The following BUB1B variants were observed in gnomAD, a reference collection of about 807,000 sequenced individuals.
BUB1B encodes BUB1 mitotic checkpoint serine/threonine kinase B, also known as mitotic checkpoint serine/threonine-protein kinase BUB1 beta.
A neutral mutation model predicts 137.7 loss-of-function variants in BUB1B; 86 were observed. The ratio of observed to expected loss-of-function variants is 0.62; its 90% CI spans 0.52 to 0.75. BUB1B has a LOEUF of 0.75. BUB1B is among the 30% of genes least tolerant of loss of function. BUB1B has a pLI of 0.00. For synonymous variants in BUB1B, 420 were observed against 417.9 expected (o/e 1.00, Z -0.06); for missense variants, 1,130 against 1,236.9 (o/e 0.91, Z 1.30).
chr15:40,219,627 C>T (rs775169153), intron 22 of BUB1B, among the ~76,000 whole-genome samples: 62 of 152,070 alleles, frequency 4.1e-4, no homozygotes, highest in Admixed American at 1.3e-3. Context: ...AGCTGAGGCA[C>T]GGGAATCACT....
chr15:40,220,755 A>G lies in BUB1B; in HGVS notation c.3149A>G (p.Gln1050Arg). Reference sequence around the variant, plus strand: ...ACTAGTCCTGGGGCTTTGCTCTTTCAGTGAGCTAGGCAATCAAGTCTCACA... The same window carrying G: ...ACTAGTCCTGGGGCTTTGCTCTTTCGGTGAGCTAGGCAATCAAGTCTCACA... ...KLTSPGALLFQ is the reference protein window; with the variant it reads ...KLTSPGALLFR Residue 1050 changes from glutamine to arginine, a missense_variant, in exon 23 of 23, where the codon CAG (glutamine) becomes CGG (arginine). Coordinates refer to ENST00000287598, the MANE Select transcript of BUB1B (RefSeq NM_001211.6). The G allele has an allele frequency of 6.2e-7, 1 of 1,614,066 alleles. No individual in the cohort carries two copies. The highest frequency in any genetic ancestry group is 1.3e-5 in the African/African-American group (1 of 75,054).
chr15:40,191,263 A>G (rs182609537), intron 8 of BUB1B, among the ~76,000 whole-genome samples: 80 of 152,364 alleles, frequency 5.3e-4, no homozygotes, highest in Non-Finnish European at 7.3e-4. Flanking sequence ...ACCATTGACC[A>G]TAGATAACTG....
chr15:40,191,605 G>C (rs1380560663), intron 8 of BUB1B, among the ~76,000 whole-genome samples: 2 of 152,094 alleles, frequency 1.3e-5, no homozygotes, highest in African/African-American at 4.8e-5. Flanking sequence ...TATAGTTTTA[G>C]CTCTTATATT....
At chr15:40,181,074 T>C (rs1235871790) in intron 5 of BUB1B, among the ~76,000 whole-genome samples, 1 of 151,084 alleles carries the variant, frequency 6.6e-6, no homozygotes, top group Non-Finnish European at 1.5e-5. Flanking sequence ...GAAGTTTGAT[T>C]GTGATGTGTC....
intron 8 of BUB1B, among the ~76,000 whole-genome samples, chr15:40,188,910 A>T (rs118027801): frequency 2.0e-5 from 3 of 151,008 alleles, no homozygotes; most frequent in Admixed American, 6.6e-5. Flanking sequence ...TTTTTTTTCT[A>T]AACTTCATCG....
intron 8 of BUB1B, among the ~76,000 whole-genome samples, chr15:40,195,298 T>A (rs1428547717): frequency 6.6e-6 from 1 of 152,208 alleles, no homozygotes; most frequent in African/African-American, 2.4e-5. Context: ...CCAGGTTGCT[T>A]CAAATGCCAT....
Position 40,212,515 on chromosome 15 carries a change from T to C in BUB1B, c.2402T>C (p.Val801Ala), listed in dbSNP as rs2037726631. 6.2e-7 allele frequency: 1 copy of C among 1,612,502 alleles called. No homozygotes were observed. Among genetic ancestry groups the C allele is most frequent in the Non-Finnish European group, 8.5e-7 (1 of 1,178,976 alleles). ...LTVIKVSSQP[V>A]PWDFYINLKL... ...GTCTTACAGGTATCTTCTCAACCTG[T>C]CCCATGGGACTTTTATATCAACCTC... The change falls in exon 19 of 23, where the codon GTC (valine) becomes GCC (alanine). Residue 801 changes from valine (V) to alanine (A), a missense_variant. Coordinates refer to ENST00000287598, the MANE Select transcript of BUB1B (RefSeq NM_001211.6).
intron 2 of BUB1B, chr15:40,166,327 T>TTC (rs1168127051): frequency 4.6e-6 from 2 of 436,612 alleles, no homozygotes; most frequent in South Asian, 3.3e-5. Context: ...AGACATAATT[T>TTC]TCTCTCTCTC....
chr15:40,199,798 A>C, intron 10 of BUB1B, 71 bp downstream of exon 10: 1 of 1,214,678 alleles, frequency 8.2e-7, no homozygotes, highest in Non-Finnish European at 1.2e-6. Context: ...AAAATATAGA[A>C]GGTTAAAGTC....
At position 40,183,682 on chromosome 15, in the gene BUB1B, C is replaced by T. The variant is rs751765984; in HGVS notation, c.582-32C>T. 1.9e-6 allele frequency: 3 copies of T among 1,610,072 alleles called. No individual in the cohort carries two copies. The South Asian group carries it at 3.3e-5, about 18-fold the overall frequency. ...TTGAGTCTGGTAAAATAGTGGTCAC[C>T]TCACTAAAAGTTGTGCATTCTGCTA... On this transcript the variant is annotated intron_variant, in intron 5 of 22. Coordinates refer to ENST00000287598, the MANE Select transcript of BUB1B (RefSeq NM_001211.6).
intron 20 of BUB1B, among the ~76,000 whole-genome samples, chr15:40,214,918 AG>A (rs2037757271): frequency 6.8e-6 from 1 of 147,654 alleles, no homozygotes; most frequent in Non-Finnish European, 1.5e-5. Flanking sequence ...TCCAAGTATG[AG>A]AACCCCTGGT....
chr15:40,180,247 G>A (rs1314320026), intron 5 of BUB1B, among the ~76,000 whole-genome samples: 2 of 108,846 alleles, frequency 1.8e-5, no homozygotes, highest in African/African-American at 4.4e-5. Flanking sequence ...TCAACGTTTC[G>A]TTTCTTTTTT....
At position 40,176,527 on chromosome 15, in the gene BUB1B, AG is replaced by A; in HGVS notation, c.438del (p.Ile147LeufsTer40). ...LDMYSYLHNQ[G>X]IGVSLAQFYI... ...ATATGTACAGTTACTTGCACAACCA[AG>A]GGATTGGTGTTTCACTTGCTCAGTT... is the stretch of plus-strand genomic sequence containing the variant. On this transcript the variant is annotated frameshift_variant, in exon 5 of 23. Coordinates refer to ENST00000287598, the MANE Select transcript of BUB1B (RefSeq NM_001211.6). LOFTEE classifies it high-confidence loss of function. 6.2e-7 allele frequency: 1 copy of A among 1,614,144 alleles called. No individual in the cohort carries two copies. Among genetic ancestry groups the A allele is most frequent in the Non-Finnish European group, 8.5e-7 (1 of 1,180,010 alleles).
intron 12 of BUB1B, among the ~76,000 whole-genome samples, chr15:40,201,739 T>G (rs2037572338): frequency 6.6e-6 from 1 of 152,194 alleles, no homozygotes; most frequent in South Asian, 2.1e-4. Context: ...CGATCTCAGC[T>G]CACTACAAGC....
intron 12 of BUB1B, among the ~76,000 whole-genome samples, chr15:40,201,711 G>T (rs2037571605): frequency 1.3e-5 from 2 of 152,062 alleles, no homozygotes; most frequent in Non-Finnish European, 2.9e-5. Context: ...CTGTCGCCCA[G>T]GCTGGAGTGC....
intron 12 of BUB1B, among the ~76,000 whole-genome samples, chr15:40,201,606 CAGTATACGG>C (rs2037569682): frequency 6.6e-6 from 1 of 152,154 alleles, no homozygotes; most frequent in Non-Finnish European, 1.5e-5. Flanking sequence ...TGAACAGTCA[CAGTATACGG>C]ATCTTAACTC....
chr15:40,212,407 T>C (rs1450632744), intron 18 of BUB1B, 92 bp from the exon 19 acceptor site: 1 of 946,718 alleles, frequency 1.1e-6, no homozygotes, highest in Non-Finnish European at 1.7e-6. Flanking sequence ...TTATTATTTC[T>C]CTATCAGAAG....
rs1194081473 is a variant in BUB1B at position 40,199,898 on chromosome 15, A to G, written c.1401+171A>G. ...GAAAGTAATTTAACAGGTGACTTCA[A>G]ATGGAATTTGTGGCATGTGAAATAA... On this transcript the variant is annotated intron_variant, in intron 10 of 22. Transcript: ENST00000287598. 6.3e-6 allele frequency: 4 copies of G among 631,534 alleles called. No individual in the cohort carries two copies. In the East Asian group the frequency reaches 1.1e-4, roughly 18 times the overall value. 39.1% of individuals were successfully genotyped at this position (631,534 alleles called of 1,614,324 possible). A position where few individuals can be genotyped will look rare whatever the true frequency, so the allele number is the denominator to read the frequency against.
Position 40,176,678 on chromosome 15 carries a change from ACTTT to A in BUB1B, c.581+10_581+13del, listed in dbSNP as rs762654787. 3 of 1,613,674 alleles carry A rather than the reference ACTTT, an allele frequency of 1.9e-6. No homozygotes were observed. Among genetic ancestry groups the A allele is most frequent in the Admixed American group, 3.3e-5 (2 of 60,006 alleles). On this transcript the variant is annotated splice_donor_region_variant and intron_variant, in intron 5 of 22. Transcript: ENST00000287598. ...AAGACTACAGTCCCAGCACCGGTAA[ACTTT>A]CTTTGGAGCTTGTCTTAACTCTAAA...
Sources: gnomAD v4.1 joint callset for allele counts (sites outside exome capture counted in the v4.1 genomes callset) on GRCh38, gnomAD v4.1.1 for gene constraint, MANE v1.5 for transcripts, NCBI Gene and HGNC (gene_info 2026-07-23, HGNC 2026-07-21) for gene names.